THEMIS: variants seen among roughly 807,000 people sequenced by gnomAD.
THEMIS encodes the protein protein THEMIS.
THEMIS carries 37 observed loss-of-function variants against 52.6 expected under a neutral mutation model. That is an observed-to-expected ratio of 0.70 (90% CI 0.54 to 0.93). THEMIS has a LOEUF of 0.93. THEMIS is among the 40% of genes least tolerant of loss of function. THEMIS has a pLI of 0.00. For missense variants in THEMIS, 808 were observed against 763.1 expected (o/e 1.06, Z -0.69); for synonymous variants, 292 against 272.7 (o/e 1.07, Z -0.70).
intron 1 of THEMIS, among the ~76,000 whole-genome samples, chr6:127,907,536 C>T (rs950664873): frequency 6.6e-6 from 1 of 151,624 alleles, no homozygotes; most frequent in African/African-American, 2.4e-5. Flanking sequence ...GTATATGTCT[C>T]AGCCAATCAT....
intron 1 of THEMIS, among the ~76,000 whole-genome samples, chr6:127,899,925 A>ATATATATAAT (rs1390596593): frequency 6.9e-6 from 1 of 144,280 alleles, no homozygotes; most frequent in African/African-American, 2.6e-5. Flanking sequence ...ATATATATAT[A>ATATATATAAT]ATATATATAA....
intron 4 of THEMIS, among the ~76,000 whole-genome samples, chr6:127,725,142 C>G (rs1372557114): frequency 6.6e-6 from 1 of 151,978 alleles, no homozygotes; most frequent in Non-Finnish European, 1.5e-5. Context: ...AAAAAAGCAA[C>G]CTCCCTCTCT....
At chr6:127,839,239 A>G (rs1554234113) in intron 2 of THEMIS, among the ~76,000 whole-genome samples, 1 of 152,080 alleles carries the variant, frequency 6.6e-6, no homozygotes, top group Non-Finnish European at 1.5e-5. Flanking sequence ...TTTTTAATAA[A>G]TAAGTAAACT....
At chr6:127,901,178 A>T (rs993435853), upstream of THEMIS, 5 of 547,356 alleles carry the variant, frequency 9.1e-6, 1 homozygote, top group Middle Eastern at 1.5e-3. Context: ...TCCTTCTGAC[A>T]TTGAAGTTGA....
intron 3 of THEMIS, among the ~76,000 whole-genome samples, chr6:127,826,100 T>G (rs960521212): frequency 1.3e-5 from 2 of 152,164 alleles, no homozygotes; most frequent in East Asian, 3.9e-4. Flanking sequence ...TATCTTAAAG[T>G]TGATGACTTG....
chr6:127,807,554 G>A (rs1001434874), intron 4 of THEMIS, among the ~76,000 whole-genome samples: 3 of 152,064 alleles, frequency 2.0e-5, no homozygotes, highest in South Asian at 2.1e-4. Flanking sequence ...TCTTCATTGT[G>A]TTGGGTCTTT....
chr6:127,788,319 C>G (rs73773847), intron 4 of THEMIS, among the ~76,000 whole-genome samples: 1 of 152,224 alleles, frequency 6.6e-6, no homozygotes, highest in African/African-American at 2.4e-5. Flanking sequence ...GGAGAATTGC[C>G]TCTCAATAAT....
chr6:127,737,094 G>C (rs1775034315), intron 4 of THEMIS, among the ~76,000 whole-genome samples: 1 of 152,026 alleles, frequency 6.6e-6, no homozygotes, highest in Non-Finnish European at 1.5e-5. Flanking sequence ...CTTGTGTTTT[G>C]GTAGTAATTA....
intron 3 of THEMIS, among the ~76,000 whole-genome samples, chr6:127,825,401 A>G (rs1018812207): frequency 6.6e-6 from 1 of 152,198 alleles, no homozygotes; most frequent in Non-Finnish European, 1.5e-5. Flanking sequence ...ATGGTGGAAG[A>G]TAAGGGAGTA....
chr6:127,884,518 TC>T, intron 1 of THEMIS, among the ~76,000 whole-genome samples: 1 of 152,108 alleles, frequency 6.6e-6, no homozygotes. Context: ...ACTCTTCAAC[TC>T]CCCCTCTTGC....
rs980494348 is a variant in THEMIS at position 127,813,358 on chromosome 6, A to G, written c.1283T>C (p.Leu428Ser). The G allele has an allele frequency of 1.2e-6, 2 of 1,614,086 alleles. No individual in the cohort carries two copies. The highest frequency in any genetic ancestry group is 1.7e-5 in the Admixed American group (1 of 60,006). ...KKSYEAALLPLYMEGGFVEVI... is the reference protein window; with the variant it reads ...KKSYEAALLPSYMEGGFVEVI... ...CTCTACAAAACCTCCTTCCATGTAC[A>G]AAGGGAGCAGCGCAGCCTCATAGGA... The change falls in exon 4 of 6, where the codon TTG becomes TCG. Residue 428 changes from leucine (L) to serine (S), a missense_variant. Transcript: ENST00000368248.
rs901917782 is a variant in THEMIS at position 127,822,723 on chromosome 6, T to C, written c.709+6753A>G. Among the ~76,000 whole-genome samples, 49 of 152,272 alleles carry C rather than the reference T, an allele frequency of 3.2e-4. 1 individual carries two copies. Among genetic ancestry groups the C allele is most frequent in the African/African-American group, 1.1e-3 (47 of 41,548 alleles). On this transcript the variant is annotated intron_variant, in intron 3 of 5. Coordinates refer to ENST00000368248, the MANE Select transcript of THEMIS (RefSeq NM_001010923.3). ...ACTAACCTAGGTGATGCTGTGAAGG[T>C]ATTTTGTTCATGTAGCTGTCATCTA...
chr6:127,734,521 T>G (rs1774918960), intron 4 of THEMIS, among the ~76,000 whole-genome samples: 1 of 152,060 alleles, frequency 6.6e-6, no homozygotes. Context: ...AAGAAAACGT[T>G]TGGTCTAAGT....
At chr6:127,779,424 A>G (rs1041503424) in intron 4 of THEMIS, among the ~76,000 whole-genome samples, 17 of 152,168 alleles carry the variant, frequency 1.1e-4, no homozygotes, top group African/African-American at 4.1e-4. Context: ...TCAATATTGG[A>G]GAAGAGATAG....
At chr6:127,718,995 C>A (rs1774269090) in intron 5 of THEMIS, among the ~76,000 whole-genome samples, 1 of 151,680 alleles carries the variant, frequency 6.6e-6, no homozygotes, top group Non-Finnish European at 1.5e-5. Flanking sequence ...AAGGAGCAAA[C>A]CGTATGCTTA....
chr6:127,746,394 C>A (rs1423461722), intron 4 of THEMIS, among the ~76,000 whole-genome samples: 1 of 151,580 alleles, frequency 6.6e-6, no homozygotes, highest in Non-Finnish European at 1.5e-5. Context: ...AGACACTGCT[C>A]TTTACTATAT....
chr6:127,898,893 C>T (rs773318445), intron 1 of THEMIS, among the ~76,000 whole-genome samples: 15 of 151,724 alleles, frequency 9.9e-5, no homozygotes, highest in African/African-American at 3.1e-4. Context: ...CACATGTTCT[C>T]ATTAATTTGT....
At chr6:127,862,314 C>T (rs932499925) in intron 1 of THEMIS, among the ~76,000 whole-genome samples, 2 of 151,426 alleles carry the variant, frequency 1.3e-5, no homozygotes, top group Non-Finnish European at 2.9e-5. Context: ...ACCTTATATT[C>T]TTCTGAGTTG....
At chr6:127,804,674 G>T (rs959085383) in intron 4 of THEMIS, among the ~76,000 whole-genome samples, 12 of 152,120 alleles carry the variant, frequency 7.9e-5, no homozygotes, top group African/African-American at 2.9e-4. Context: ...TTTACCTCAG[G>T]AGAAAAGCTG....
Sources: allele counts gnomAD v4.1 joint callset (sites outside exome capture counted in the v4.1 genomes callset), GRCh38; gene constraint gnomAD v4.1.1; transcripts MANE v1.5; gene names NCBI Gene and HGNC (gene_info 2026-07-23, HGNC 2026-07-21).